Variants in RBFOX1 observed in about 807,000 individuals in gnomAD.
The protein encoded by RBFOX1 is RNA binding protein fox-1 homolog 1.
Under a neutral mutation model 57.7 loss-of-function variants are expected in RBFOX1, and 8 were observed. The observed-to-expected ratio is 0.14, with a 90% CI of 0.08 to 0.25. The LOEUF (loss-of-function observed/expected upper bound fraction) is 0.25, where lower values mean the gene tolerates loss of function less well. Ranked by LOEUF, RBFOX1 falls within the 10% of genes least tolerant of loss-of-function variation. The pLI is 1.00. For synonymous variants in RBFOX1, 326 were observed against 222.4 expected, an observed-to-expected ratio of 1.47 and a Z score of -4.15; for missense variants, 611 against 548.5, an observed-to-expected ratio of 1.11 and a Z score of -1.14.
At chr16:7,442,982 T>C (rs565033531) in intron 4 of RBFOX1, among the ~76,000 whole-genome samples, 34 of 152,332 alleles carry the variant, frequency 2.2e-4, no homozygotes, top group African/African-American at 7.7e-4. Flanking sequence ...CTTTCTCCCA[T>C]AGTGCACTGG....
intron 3 of RBFOX1, among the ~76,000 whole-genome samples, chr16:6,765,860 C>G (rs2077250525): frequency 6.6e-6 from 1 of 152,150 alleles, no homozygotes; most frequent in Admixed American, 6.5e-5. Flanking sequence ...GAGGTTTCTT[C>G]TAAGTGAAGT....
intron 3 of RBFOX1, among the ~76,000 whole-genome samples, chr16:6,720,660 G>A (rs1215916567): frequency 6.6e-6 from 1 of 152,186 alleles, no homozygotes; most frequent in Non-Finnish European, 1.5e-5. Flanking sequence ...TAGTTGGTGA[G>A]AAGGAGACAT....
intron 3 of RBFOX1, among the ~76,000 whole-genome samples, chr16:7,018,076 C>T (rs546505876): frequency 2.7e-4 from 41 of 152,054 alleles, no homozygotes; most frequent in Non-Finnish European, 4.3e-4. Context: ...AGCCAACCTG[C>T]ATGTACACCC....
intron 3 of RBFOX1, among the ~76,000 whole-genome samples, chr16:7,032,287 C>CAAAAA (rs1302140546): frequency 6.6e-6 from 1 of 151,458 alleles, no homozygotes; most frequent in Non-Finnish European, 1.5e-5. Flanking sequence ...AAAAACAAAA[C>CAAAAA]AAAAAAATTT....
chr16:7,556,493 G>T, intron 5 of RBFOX1, among the ~76,000 whole-genome samples: 1 of 152,136 alleles, frequency 6.6e-6, no homozygotes, highest in East Asian at 1.9e-4. Flanking sequence ...ATATTATAAG[G>T]TTTATTTGTA....
chr16:6,508,318 C>T (rs77203470), intron 2 of RBFOX1, among the ~76,000 whole-genome samples: 1 of 152,020 alleles, frequency 6.6e-6, no homozygotes, highest in Non-Finnish European at 1.5e-5. Context: ...CCCTATGACA[C>T]AAGTTACCTA....
intron 4 of RBFOX1, among the ~76,000 whole-genome samples, chr16:7,404,982 C>G (rs2098313545): frequency 6.6e-6 from 1 of 152,114 alleles, no homozygotes; most frequent in South Asian, 2.1e-4. Flanking sequence ...TGATTTTACT[C>G]CACAGCAGGA....
intron 2 of RBFOX1, among the ~76,000 whole-genome samples, chr16:6,457,029 G>C (rs2094790845): frequency 6.6e-6 from 1 of 152,192 alleles, no homozygotes; most frequent in African/African-American, 2.4e-5. Context: ...ACTGAGAAGT[G>C]AGAGGGGATT....
At chr16:6,503,604 C>T (rs1567471222) in intron 2 of RBFOX1, among the ~76,000 whole-genome samples, 1 of 152,154 alleles carries the variant, frequency 6.6e-6, no homozygotes, top group East Asian at 1.9e-4. Flanking sequence ...GCCTTTTCGG[C>T]AGGCTTGCTT....
intron 1 of RBFOX1, among the ~76,000 whole-genome samples, chr16:6,292,035 T>G (rs2077522298): frequency 6.6e-6 from 1 of 152,138 alleles, no homozygotes; most frequent in Non-Finnish European, 1.5e-5. Flanking sequence ...TGGCTTTATG[T>G]CCACTGTCAG....
intron 2 of RBFOX1, among the ~76,000 whole-genome samples, chr16:6,401,631 C>G (rs183431909): frequency 6.6e-6 from 1 of 152,106 alleles, no homozygotes; most frequent in Non-Finnish European, 1.5e-5. Flanking sequence ...CTTTCATTTA[C>G]CCATACCCCA....
At chr16:5,857,978 C>A (rs1425096273) in intron 3 of RBFOX1, among the ~76,000 whole-genome samples, 1 of 151,588 alleles carries the variant, frequency 6.6e-6, no homozygotes, top group Non-Finnish European at 1.5e-5. Context: ...TATAAAATAT[C>A]ATTTTGTGCT....
At position 7,428,445 on chromosome 16, in the gene RBFOX1, G is replaced by T. The variant is rs139084423; in HGVS notation, c.28-89702G>T. Among the ~76,000 whole-genome samples, 261 of 145,808 alleles carry T rather than the reference G, an allele frequency of 1.8e-3. 1 individual carries two copies. Among genetic ancestry groups the T allele is most frequent in the African/African-American group, 6.4e-3 (256 of 39,944 alleles). On this transcript the variant is annotated intron_variant, in intron 4 of 15. Coordinates refer to ENST00000550418, the MANE Select transcript of RBFOX1 (RefSeq NM_018723.4). ...GGGTTCTAGTGATTCTCCTGCCTCA[G>T]CCCCCTGAGTAGCTGGGATTACAGG...
At chr16:6,904,566 A>C (rs1262269978) in intron 3 of RBFOX1, among the ~76,000 whole-genome samples, 1 of 134,434 alleles carries the variant, frequency 7.4e-6, no homozygotes, top group African/African-American at 2.8e-5. Context: ...ATGCCATTGC[A>C]CTCCAGCCTG....
intron 1 of RBFOX1, among the ~76,000 whole-genome samples, chr16:5,340,290 T>G (rs1196276437): frequency 1.3e-5 from 2 of 152,136 alleles, no homozygotes; most frequent in Non-Finnish European, 2.9e-5. Context: ...GGGGAGGAAT[T>G]TGGACCAGGT....
chr16:7,649,074 C>T (rs1339206358), intron 11 of RBFOX1, among the ~76,000 whole-genome samples: 5 of 151,888 alleles, frequency 3.3e-5, no homozygotes, highest in Non-Finnish European at 5.9e-5. Context: ...GAATTCGGGG[C>T]CAGTCCACAG....
intron 2 of RBFOX1, among the ~76,000 whole-genome samples, chr16:6,539,863 C>A (rs1023182071): frequency 1.9e-5 from 2 of 107,018 alleles, no homozygotes; most frequent in African/African-American, 5.7e-5. Flanking sequence ...TCATTGTCTT[C>A]CTACAAGCTG....
chr16:5,333,476 T>C (rs1428398393), intron 1 of RBFOX1, among the ~76,000 whole-genome samples: 1 of 152,156 alleles, frequency 6.6e-6, no homozygotes, highest in Non-Finnish European at 1.5e-5. Flanking sequence ...CCCCCGATTA[T>C]ATACACAATG....
intron 1 of RBFOX1, among the ~76,000 whole-genome samples, chr16:6,127,946 G>A (rs1262281240): frequency 6.6e-6 from 1 of 152,020 alleles, no homozygotes; most frequent in Non-Finnish European, 1.5e-5. Flanking sequence ...TATTCTTGGG[G>A]GTGCTAGAAA....
Sources: allele counts gnomAD v4.1 joint callset (sites outside exome capture counted in the v4.1 genomes callset), GRCh38; gene constraint gnomAD v4.1.1; transcripts MANE v1.5; gene names NCBI Gene and HGNC (gene_info 2026-07-23, HGNC 2026-07-21).